The following KRT6A variants were observed in gnomAD, a reference collection of about 807,000 sequenced individuals.
KRT6A encodes keratin, type II cytoskeletal 6A.
KRT6A carries 28 observed loss-of-function variants against 48.6 expected under a neutral mutation model. The observed-to-expected ratio is 0.58, with a 90% CI of 0.43 to 0.79. The LOEUF (loss-of-function observed/expected upper bound fraction) is 0.79, where lower values mean the gene tolerates loss of function less well. Ranked by LOEUF, KRT6A falls within the 30% of genes least tolerant of loss-of-function variation. The pLI is 0.00. For synonymous variants in KRT6A, 301 were observed against 294.2 expected (o/e 1.02, Z -0.24); for missense variants, 687 against 724.3 (o/e 0.95, Z 0.59).
chr12:52,488,679 C>A (rs1211835653), intron 6 of KRT6A, 131 bp from the exon 7 acceptor site: 12 of 1,168,168 alleles, frequency 1.0e-5, no homozygotes, highest in Non-Finnish European at 1.3e-5. Context: ...CTCTTCCTAT[C>A]TATTGTTTTT....
At position 52,492,618 on chromosome 12, in the gene KRT6A, G is replaced by A. The variant is rs557822565; in HGVS notation, c.540+31C>T. ...GCTCCTCTGGTCTGGGGACCCTGAA[G>A]TGCCCCATGGAGGGCATGGCACTGG... On this transcript the variant is annotated intron_variant, in intron 1 of 8. Transcript: ENST00000330722. 24 of 1,613,944 alleles carry A rather than the reference G, an allele frequency of 1.5e-5. No homozygotes were observed. The African/African-American group carries it at 2.3e-4, about 15-fold the overall frequency.
chr12:52,490,187 T>C, intron 5 of KRT6A, 119 bp from the exon 6 acceptor site: 2 of 1,598,334 alleles, frequency 1.3e-6, no homozygotes. Flanking sequence ...CTCAAGAAAC[T>C]TGAGGAAAAG....
chr12:52,492,775 G>T lies in KRT6A; in HGVS notation c.414C>A (p.Val138=), dbSNP rs750009901. 4 of 1,613,556 alleles carry T rather than the reference G, an allele frequency of 2.5e-6. No individual in the cohort carries two copies. Among genetic ancestry groups the T allele is most frequent in the African/African-American group, 1.3e-5 (1 of 74,802 alleles). The part of the protein sequence containing the change: ...PVCPPGGIQE[V]TVNQSLLTPL... ...GAGTCAGGAGACTCTGGTTGACGGT[G>T]ACCTCTTGGATGCCTCCAGGGGGGC... Residue 138 remains valine, a synonymous_variant, in exon 1 of 9, where the codon GTC becomes GTA. Transcript: ENST00000330722.
rs752580249 is a variant in KRT6A, at chr12:52,488,074, T to C, written c.1454A>G (p.Asn485Ser). 14 of 1,614,042 alleles carry C rather than the reference T, an allele frequency of 8.7e-6. No homozygotes were observed. In the South Asian group the frequency reaches 1.5e-4, roughly 18 times the overall value. Residue 485 changes from asparagine to serine, a missense_variant, in exon 8 of 9, where the codon AAC (asparagine) becomes AGC (serine). Physicochemically the swap from Asn to Ser is conservative, Grantham distance 46 (BLOSUM62 1). Coordinates refer to ENST00000330722, the MANE Select transcript of KRT6A (RefSeq NM_005554.4). ...AGGCAAGCAAAGGTACTTACAGATGTTGACTTGTCCAACGCCTTCGCCATT... is the reference window on the plus strand; with the variant it reads ...AGGCAAGCAAAGGTACTTACAGATGCTGACTTGTCCAACGCCTTCGCCATT... ...RLNGEGVGQV[N>S]ISVVQSTVSS... is the part of the protein sequence containing the mutation.
At chr12:52,488,153 C>T (rs1447425688) in intron 7 of KRT6A, 50 bp from the exon 8 acceptor site, 2 of 1,613,962 alleles carry the variant, frequency 1.2e-6, no homozygotes, top group Admixed American at 1.7e-5. Flanking sequence ...CTCTTCCTTC[C>T]CTGGACCAGC....
intron 1 of KRT6A, 139 bp from the exon 2 acceptor site, chr12:52,491,875 C>A: frequency 8.8e-7 from 1 of 1,133,480 alleles, no homozygotes. Flanking sequence ...AGGCTGAGCT[C>A]TGCTCCCCCA....
chr12:52,492,945 C>T lies in KRT6A; in HGVS notation c.244G>A (p.Gly82Ser), dbSNP rs758984854. 18 of 1,608,740 alleles carry T rather than the reference C, an allele frequency of 1.1e-5. No homozygotes were observed. Among genetic ancestry groups the T allele is most frequent in the South Asian group, 3.3e-5 (3 of 90,820 alleles). Residue 82 changes from glycine (G) to serine (S), a missense_variant, in exon 1 of 9, where the codon GGC becomes AGC. Physicochemically the swap from Gly to Ser is moderately conservative, Grantham distance 56 (BLOSUM62 0). This residue lies in a region of KRT6A where 49 missense variants were observed against 97.3 expected (regional missense o/e 0.50). Transcript: ENST00000330722. ...CTGCCTCCGGCTCTGCTGCCATAGC[C>T]GCCACTGATGGCACAGCTGCCCCCT... ...IGGGSCAISG[G>S]YGSRAGGSYG...
intron 2 of KRT6A, 152 bp from the exon 3 acceptor site, chr12:52,491,324 A>T (rs1938258005): frequency 6.7e-7 from 1 of 1,496,260 alleles, no homozygotes; most frequent in Admixed American, 1.8e-5. Flanking sequence ...CTTCTGCTAA[A>T]TTTGCCACTT....
At position 52,492,682 on chromosome 12, in the gene KRT6A, G is replaced by C. The variant is rs1370643603; in HGVS notation, c.507C>G (p.Thr169=). ...VRAEEREQIK[T]LNNKFASFID... is the part of the protein sequence containing the mutation. ...TGAAGGAGGCAAACTTGTTGTTGAGGGTCTTGATCTGTTCACGCTCCTCAG... is the reference window on the plus strand; with the variant it reads ...TGAAGGAGGCAAACTTGTTGTTGAGCGTCTTGATCTGTTCACGCTCCTCAG... Residue 169 remains threonine (T), a synonymous_variant, in exon 1 of 9, where the codon ACC becomes ACG. Transcript: ENST00000330722. 1.2e-6 allele frequency: 2 copies of C among 1,613,862 alleles called. No homozygotes were observed. The highest frequency in any genetic ancestry group is 2.7e-5 in the African/African-American group (2 of 74,888).
In KRT6A at chr12:52,492,670, C is replaced by A; in HGVS notation, c.519G>T (p.Lys173Asn). The change falls in exon 1 of 9, where the codon AAG becomes AAT. Residue 173 changes from lysine (K) to asparagine (N), a missense_variant. Around this residue, in one of 3 missense-constraint regions of KRT6A, gnomAD observed 566 missense variants for 565.3 expected, o/e 1.00. Transcript: ENST00000330722. ...EREQIKTLNN[K>N]FASFIDKVRF... ...TCACCTTGTCGATGAAGGAGGCAAA[C>A]TTGTTGTTGAGGGTCTTGATCTGTT... The A allele has an allele frequency of 1.2e-6, 2 of 1,614,084 alleles. No individual in the cohort carries two copies. Among genetic ancestry groups the A allele is most frequent in the South Asian group, 2.2e-5 (2 of 91,062 alleles).
At chr12:52,490,427 T>C in intron 5 of KRT6A, 142 bp downstream of exon 5, 1 of 1,412,374 alleles carries the variant, frequency 7.1e-7, no homozygotes, top group Non-Finnish European at 1.0e-6. Flanking sequence ...GTTCTGCAAA[T>C]GTCTACTCTA....
chr12:52,493,111 A>G lies in KRT6A; in HGVS notation c.78T>C (p.Pro26=), dbSNP rs769588636. 2.4e-5 allele frequency: 38 copies of G among 1,613,864 alleles called. No individual in the cohort carries two copies. The highest frequency in any genetic ancestry group is 3.2e-5 in the Non-Finnish European group (38 of 1,180,034). ...TGCTGAAGCCAGAGCGGCTGACCCC[A>G]GGGAGCCTGGCTGAGTTGGCACTGA... The part of the protein sequence containing the change: ...RGFSANSARL[P]GVSRSGFSSV... Residue 26 remains proline (P), a synonymous_variant, in exon 1 of 9, where the codon CCT becomes CCC. Transcript: ENST00000330722.
intron 3 of KRT6A, 56 bp from the exon 4 acceptor site, chr12:52,491,009 A>C: frequency 6.2e-7 from 1 of 1,613,764 alleles, no homozygotes; most frequent in Non-Finnish European, 8.5e-7. Context: ...CAATCTACCC[A>C]TCTTCTAGTC....
chr12:52,489,887 G>T, intron 6 of KRT6A, 56 bp downstream of exon 6: 1 of 1,613,636 alleles, frequency 6.2e-7, no homozygotes, highest in Non-Finnish European at 8.5e-7. Context: ...ATGGTTGATG[G>T]CTGCCTGACG....
At chr12:52,490,230 T>C (rs1938235605) in intron 5 of KRT6A, 162 bp from the exon 6 acceptor site, 17 of 1,361,812 alleles carry the variant, frequency 1.2e-5, no homozygotes, top group Non-Finnish European at 1.6e-5. Context: ...TACTAAACAC[T>C]GGAGTCACAG....
chr12:52,488,142 G>A (rs756412184), intron 7 of KRT6A, 39 bp from the exon 8 acceptor site: 3 of 1,613,994 alleles, frequency 1.9e-6, no homozygotes, highest in Non-Finnish European at 1.7e-6. Context: ...ACCTCAGAGA[G>A]CTCTTCCTTC....
At chr12:52,490,247 C>G (rs1592185053) in intron 5 of KRT6A, 179 bp from the exon 6 acceptor site, 1 of 1,218,176 alleles carries the variant, frequency 8.2e-7, no homozygotes, top group African/African-American at 1.5e-5. Flanking sequence ...ACAGACCATC[C>G]TCATTATGGC....
chr12:52,490,269 C>T, intron 5 of KRT6A: 2 of 1,096,698 alleles, frequency 1.8e-6, no homozygotes, highest in Non-Finnish European at 1.3e-6. Context: ...CCACTGCCTG[C>T]CTAGTTTCTT....
At chr12:52,491,818 G>A (rs1267705067) in intron 1 of KRT6A, 82 bp from the exon 2 acceptor site, 27 of 1,565,662 alleles carry the variant, frequency 1.7e-5, no homozygotes, top group Middle Eastern at 3.5e-4. Flanking sequence ...GGCAGGTCCG[G>A]GAGGTTCCCA....
Sources: allele counts gnomAD v4.1 joint callset, GRCh38; gene constraint gnomAD v4.1.1; regional missense constraint gnomAD v4.1.1; transcripts MANE v1.5; gene names NCBI Gene and HGNC (gene_info 2026-07-23, HGNC 2026-07-21).